WBP1L: variants seen among roughly 807,000 people sequenced by gnomAD.
WBP1L encodes WW domain binding protein 1-like.
In WBP1L, 17 loss-of-function variants were observed where a neutral mutation model predicts 33.7. The observed-to-expected ratio is 0.50, with a 90% CI of 0.34 to 0.76. The LOEUF (loss-of-function observed/expected upper bound fraction) is 0.76, where lower values mean the gene tolerates loss of function less well. Among genes scored for constraint, WBP1L ranks in the 30% least tolerant of loss-of-function variants. WBP1L has a pLI of 0.01. For missense variants in WBP1L, 389 were observed against 469.4 expected (o/e 0.83, Z 1.58); for synonymous variants, 173 against 190.8 (o/e 0.91, Z 0.77).
intron 1 of WBP1L, among the ~76,000 whole-genome samples, chr10:102,747,353 C>T (rs1055776081): frequency 3.2e-5 from 4 of 125,818 alleles, no homozygotes; most frequent in South Asian, 5.3e-4. Context: ...AGCGAGACTC[C>T]GTCTCAAAAA....
intron 1 of WBP1L, among the ~76,000 whole-genome samples, chr10:102,748,875 T>C (rs759219483): frequency 6.6e-6 from 1 of 152,216 alleles, no homozygotes. Context: ...TGTTCAGGAC[T>C]TTAAAGGTTG....
At chr10:102,765,453 C>G (rs889800095) in intron 1 of WBP1L, among the ~76,000 whole-genome samples, 1 of 152,086 alleles carries the variant, frequency 6.6e-6, no homozygotes, top group Non-Finnish European at 1.5e-5. Context: ...AGACTGGTCT[C>G]GAACTCCTGG....
intron 1 of WBP1L, among the ~76,000 whole-genome samples, chr10:102,796,014 C>T (rs575916890): frequency 1.3e-5 from 2 of 152,204 alleles, no homozygotes; most frequent in East Asian, 3.9e-4. Context: ...TTTAGATGGT[C>T]CACAACTTGC....
At chr10:102,764,168 C>T (rs1330730325) in intron 1 of WBP1L, among the ~76,000 whole-genome samples, 2 of 152,182 alleles carry the variant, frequency 1.3e-5, no homozygotes, top group African/African-American at 4.8e-5. Context: ...GAGTTCTCTG[C>T]AAGAAGAAGG....
intron 1 of WBP1L, among the ~76,000 whole-genome samples, chr10:102,792,505 T>C (rs1307605135): frequency 1.3e-5 from 2 of 152,140 alleles, no homozygotes; most frequent in Admixed American, 6.6e-5. Context: ...ACCATCTCCT[T>C]CTAGCCAAAA....
intron 1 of WBP1L, among the ~76,000 whole-genome samples, chr10:102,794,839 C>CTT (rs2134056152): frequency 6.6e-6 from 1 of 152,310 alleles, no homozygotes; most frequent in South Asian, 2.1e-4. Context: ...ACCAGCATGT[C>CTT]TCTCTGAAGG....
chr10:102,766,441 CAA>C (rs56812691), intron 1 of WBP1L, among the ~76,000 whole-genome samples: 5 of 57,452 alleles, frequency 8.7e-5, no homozygotes, highest in Non-Finnish European at 1.2e-4. Flanking sequence ...AACTCTGTCT[CAA>C]AAAAAAAAAA....
Position 102,806,167 on chromosome 10 carries a change from C to G in WBP1L, c.194-3726C>G, listed in dbSNP as rs180748598. 3.3e-5 allele frequency among the ~76,000 whole-genome samples: 5 copies of G among 151,760 alleles called. No homozygotes were observed. The East Asian group carries it at 9.7e-4, about 29-fold the overall frequency. On this transcript the variant is annotated intron_variant, in intron 2 of 3. Coordinates refer to ENST00000448841, the MANE Select transcript of WBP1L (RefSeq NM_001083913.2). The stretch of plus-strand genomic sequence containing the variant: ...GGCGGAGGTTGCAGTGAGCTGAGTT[C>G]CCTTGCCACTCCAGCCTAAGCGACA...
chr10:102,755,581 C>T (rs1030054828), intron 1 of WBP1L, among the ~76,000 whole-genome samples: 3 of 149,082 alleles, frequency 2.0e-5, no homozygotes, highest in Non-Finnish European at 3.0e-5. Flanking sequence ...TATTAGAGAT[C>T]GGGATTTCAC....
chr10:102,812,383 G>A (rs545051239), intron 3 of WBP1L, among the ~76,000 whole-genome samples: 26 of 152,286 alleles, frequency 1.7e-4, no homozygotes, highest in African/African-American at 6.0e-4. Flanking sequence ...CAGATTTCAA[G>A]AAGCTAGGTT....
rs1280965130 is a variant in WBP1L, at chr10:102,814,879, AC to A, written c.*1549del. On this transcript the variant is annotated 3_prime_UTR_variant, in exon 4 of 4. Coordinates refer to ENST00000448841, the MANE Select transcript of WBP1L (RefSeq NM_001083913.2). Reference sequence around the variant, plus strand: ...TGTTATGGAAGAAAGAAAGAAACAAACAAAATATATATATATATGTCCAAAA... The same window carrying A: ...TGTTATGGAAGAAAGAAAGAAACAAAAAAATATATATATATATGTCCAAAA... 5 of 152,716 alleles carry A rather than the reference AC, an allele frequency of 3.3e-5. No individual in the cohort carries two copies. Among genetic ancestry groups the A allele is most frequent in the Admixed American group, 6.5e-5 (1 of 15,296 alleles). 9.5% of individuals were successfully genotyped at this position (152,716 alleles called of 1,614,324 possible).
intron 1 of WBP1L, among the ~76,000 whole-genome samples, chr10:102,771,402 T>G (rs1382250842): frequency 6.6e-6 from 1 of 151,828 alleles, no homozygotes; most frequent in Non-Finnish European, 1.5e-5. Context: ...AAAATAAAAT[T>G]TTAGGGAGGC....
chr10:102,779,993 C>G (rs563298188), intron 1 of WBP1L, among the ~76,000 whole-genome samples: 1 of 152,144 alleles, frequency 6.6e-6, no homozygotes, highest in South Asian at 2.1e-4. Flanking sequence ...TCATTCATCT[C>G]TTGAGTCTTG....
intron 1 of WBP1L, among the ~76,000 whole-genome samples, chr10:102,752,318 T>C (rs1169133914): frequency 2.0e-5 from 3 of 152,160 alleles, no homozygotes; most frequent in Non-Finnish European, 2.9e-5. Context: ...TGGGGTCAGC[T>C]TTCTTGCAAG....
intron 1 of WBP1L, among the ~76,000 whole-genome samples, chr10:102,756,100 G>C (rs1310881774): frequency 6.7e-6 from 1 of 149,270 alleles, no homozygotes; most frequent in African/African-American, 2.5e-5. Context: ...GTATGGGTAG[G>C]GTTCTTTATT....
At chr10:102,776,193 A>G in intron 1 of WBP1L, 1 of 1,463,162 alleles carries the variant, frequency 6.8e-7, no homozygotes, top group Non-Finnish European at 9.1e-7. Flanking sequence ...AGAGCCAGGC[A>G]GGGGGAGTAG....
intron 1 of WBP1L, among the ~76,000 whole-genome samples, chr10:102,757,678 G>T (rs1000017951): frequency 7.0e-6 from 1 of 142,600 alleles, no homozygotes; most frequent in Non-Finnish European, 1.5e-5. Flanking sequence ...CTGAGTTCTA[G>T]CGATCATCCC....
chr10:102,760,169 A>G (rs572264120), intron 1 of WBP1L, among the ~76,000 whole-genome samples: 2 of 152,176 alleles, frequency 1.3e-5, no homozygotes, highest in Admixed American at 1.3e-4. Context: ...AGAAATTTCT[A>G]TTCAATCCTT....
intron 1 of WBP1L, among the ~76,000 whole-genome samples, chr10:102,758,319 A>G (rs1475636845): frequency 6.6e-6 from 1 of 152,136 alleles, no homozygotes; most frequent in African/African-American, 2.4e-5. Flanking sequence ...TTAATTTTAG[A>G]CTATTTTCAT....
Sources: gnomAD v4.1 joint callset for allele counts (sites outside exome capture counted in the v4.1 genomes callset) on GRCh38, gnomAD v4.1.1 for gene constraint, MANE v1.5 for transcripts, NCBI Gene and HGNC (gene_info 2026-07-23, HGNC 2026-07-21) for gene names.